The following PXDNL variants were observed in gnomAD, a reference collection of about 807,000 sequenced individuals.
PXDNL encodes the protein peroxidasin like, also known as probable oxidoreductase PXDNL.
In PXDNL, 145 loss-of-function variants were observed where a neutral mutation model predicts 150.8. The ratio of observed to expected loss-of-function variants is 0.96; its 90% CI spans 0.84 to 1.10. PXDNL has a LOEUF of 1.10. Ranked by LOEUF, PXDNL falls within the 50% of genes least tolerant of loss-of-function variation. The pLI is 0.00. For missense variants in PXDNL, 2,087 were observed against 1,873.9 expected (o/e 1.11, Z -2.10); for synonymous variants, 757 against 725.7 (o/e 1.04, Z -0.69).
intron 1 of PXDNL, among the ~76,000 whole-genome samples, chr8:51,711,579 A>G (rs913936907): frequency 4.6e-5 from 7 of 152,230 alleles, no homozygotes; most frequent in African/African-American, 1.7e-4. Context: ...AAAAAGAAAT[A>G]ATACATGGTT....
At chr8:51,526,404 T>C (rs928647416) in intron 4 of PXDNL, among the ~76,000 whole-genome samples, 4 of 152,112 alleles carry the variant, frequency 2.6e-5, no homozygotes, top group Admixed American at 2.0e-4. Context: ...CCAATGTTGA[T>C]ATTCAACATA....
chr8:51,611,028 T>C (rs938477338), intron 2 of PXDNL, among the ~76,000 whole-genome samples: 3 of 152,178 alleles, frequency 2.0e-5, no homozygotes, highest in Non-Finnish European at 4.4e-5. Flanking sequence ...ATGCCCATCA[T>C]ATGCAGAGGC....
intron 6 of PXDNL, among the ~76,000 whole-genome samples, chr8:51,480,522 C>T (rs1810577567): frequency 1.3e-5 from 2 of 152,208 alleles, no homozygotes; most frequent in Admixed American, 1.3e-4. Flanking sequence ...AACCTCCCAT[C>T]ACGCCCCACG....
intron 21 of PXDNL, among the ~76,000 whole-genome samples, chr8:51,325,424 T>G (rs1805452257): frequency 6.6e-6 from 1 of 152,174 alleles, no homozygotes; most frequent in Non-Finnish European, 1.5e-5. Flanking sequence ...TTGGCCTCCG[T>G]TGACACACAA....
chr8:51,777,931 A>C (rs1463705420), intron 1 of PXDNL, among the ~76,000 whole-genome samples: 2 of 152,046 alleles, frequency 1.3e-5, no homozygotes, highest in African/African-American at 2.4e-5. Flanking sequence ...ACAACAACAA[A>C]AAAGTTATTC....
intron 1 of PXDNL, among the ~76,000 whole-genome samples, chr8:51,720,296 TG>T (rs1196802524): frequency 1.3e-5 from 2 of 152,070 alleles, no homozygotes; most frequent in Non-Finnish European, 2.9e-5. Context: ...ATGTCTGAAT[TG>T]TTTTTTTAAA....
At position 51,608,587 on chromosome 8, in the gene PXDNL, C is replaced by G. The variant is rs1440939638; in HGVS notation, c.237-15889G>C. Among the ~76,000 whole-genome samples the G allele has an allele frequency of 2.7e-5, 4 of 148,148 alleles. 1 individual carries two copies. The highest frequency in any genetic ancestry group is 1.0e-4 in the African/African-American group (4 of 38,690). ...GCGCGGTGGCTCACGCCTGTAATCC[C>G]AGCACTTTGGGAGGCCAAGGCGGGC... On this transcript the variant is annotated intron_variant, in intron 2 of 22. Coordinates refer to ENST00000356297, the MANE Select transcript of PXDNL (RefSeq NM_144651.5).
At chr8:51,539,669 C>G (rs1812168476) in intron 4 of PXDNL, among the ~76,000 whole-genome samples, 1 of 152,058 alleles carries the variant, frequency 6.6e-6, no homozygotes, top group South Asian at 2.1e-4. Context: ...TTTATCCTCT[C>G]TTCTTGAGTT....
chr8:51,448,491 T>G (rs1425583317), intron 11 of PXDNL, among the ~76,000 whole-genome samples: 1 of 151,902 alleles, frequency 6.6e-6, no homozygotes, highest in Non-Finnish European at 1.5e-5. Flanking sequence ...GATCACGAGA[T>G]CAGCAGATTG....
At chr8:51,547,215 C>T (rs1563459410) in intron 4 of PXDNL, among the ~76,000 whole-genome samples, 1 of 152,168 alleles carries the variant, frequency 6.6e-6, no homozygotes, top group Non-Finnish European at 1.5e-5. Context: ...AAAGTACCAC[C>T]TCCTGGCTGG....
chr8:51,772,541 G>C (rs2037309780), intron 1 of PXDNL, among the ~76,000 whole-genome samples: 1 of 152,186 alleles, frequency 6.6e-6, no homozygotes. Flanking sequence ...GGAACCACCA[G>C]GCCAGGTCAG....
chr8:51,555,269 C>T (rs1368717788), intron 4 of PXDNL, among the ~76,000 whole-genome samples: 1 of 152,120 alleles, frequency 6.6e-6, no homozygotes, highest in Non-Finnish European at 1.5e-5. Context: ...GAACCCACTC[C>T]CATGATAAAG....
intron 1 of PXDNL, among the ~76,000 whole-genome samples, chr8:51,804,594 T>C (rs1490799184): frequency 2.0e-5 from 3 of 152,196 alleles, no homozygotes; most frequent in Non-Finnish European, 4.4e-5. Context: ...CCATGTGCAG[T>C]AGCTCTCCAA....
chr8:51,363,676 G>C (rs923998506), intron 19 of PXDNL, among the ~76,000 whole-genome samples: 1 of 152,166 alleles, frequency 6.6e-6, no homozygotes. Context: ...CTGTATGTCT[G>C]TGGATTTCAT....
chr8:51,467,666 T>A (rs1355425514), intron 8 of PXDNL, among the ~76,000 whole-genome samples: 1 of 152,074 alleles, frequency 6.6e-6, no homozygotes, highest in Non-Finnish European at 1.5e-5. Flanking sequence ...TTTAAATCTC[T>A]TTCATCAAGT....
At chr8:51,576,412 G>A (rs896867818) in intron 3 of PXDNL, among the ~76,000 whole-genome samples, 6 of 151,502 alleles carry the variant, frequency 4.0e-5, no homozygotes, top group East Asian at 3.9e-4. Flanking sequence ...ACCAAACAAC[G>A]TACTTACAAA....
intron 12 of PXDNL, among the ~76,000 whole-genome samples, chr8:51,444,926 A>G (rs1343870062): frequency 6.7e-6 from 1 of 148,806 alleles, no homozygotes; most frequent in Non-Finnish European, 1.5e-5. Flanking sequence ...TTTTTTTTCA[A>G]CATGGAGTCT....
chr8:51,559,034 A>AGG (rs1812657822), intron 3 of PXDNL, among the ~76,000 whole-genome samples: 1 of 151,974 alleles, frequency 6.6e-6, no homozygotes, highest in Non-Finnish European at 1.5e-5. Flanking sequence ...GGCTGGAATA[A>AGG]GGGGGATATT....
At chr8:51,695,963 A>G (rs925544236) in intron 1 of PXDNL, among the ~76,000 whole-genome samples, 1 of 152,206 alleles carries the variant, frequency 6.6e-6, no homozygotes, top group Non-Finnish European at 1.5e-5. Context: ...AAAGAAGTAC[A>G]TTTAGAGGTG....
Sources: allele counts gnomAD v4.1 joint callset (sites outside exome capture counted in the v4.1 genomes callset), GRCh38; gene constraint gnomAD v4.1.1; transcripts MANE v1.5; gene names NCBI Gene and HGNC (gene_info 2026-07-23, HGNC 2026-07-21).